ENTREP1: variants seen among roughly 807,000 people sequenced by gnomAD.
ENTREP1 encodes the protein Friedreich ataxia region gene X123.
At chr9:69,340,751 G>GCGTGCA in the ENTREP1 span, among the ~76,000 whole-genome samples, 1 of 122,518 alleles carries the variant, frequency 8.2e-6, no homozygotes, top group Non-Finnish European at 1.6e-5. Flanking sequence ...GTGTGTTTGT[G>GCGTGCA]TGTGTGCGTG....
chr9:69,386,065 G>T, the ENTREP1 span: 1 of 875,536 alleles, frequency 1.1e-6, no homozygotes. Context: ...TCATTTGAAG[G>T]AGCTTATGAG....
At chr9:69,390,754 C>T in the ENTREP1 span, among the ~76,000 whole-genome samples, 2 of 152,084 alleles carry the variant, frequency 1.3e-5, no homozygotes, top group African/African-American at 4.8e-5. Context: ...ATCCTCCTGC[C>T]TCAGCCTCTC....
chr9:69,371,935 TG>T, the ENTREP1 span, among the ~76,000 whole-genome samples: 1 of 152,350 alleles, frequency 6.6e-6, no homozygotes, highest in African/African-American at 2.4e-5. Context: ...AAATGGATAT[TG>T]CCAGAATACA....
chr9:69,333,763 A>G, the ENTREP1 span, among the ~76,000 whole-genome samples: 25 of 152,322 alleles, frequency 1.6e-4, no homozygotes, highest in African/African-American at 6.0e-4. Context: ...AGGGCAGTTG[A>G]ATATGAAGTT....
the ENTREP1 span, chr9:69,329,364 CA>C: frequency 7.3e-6 from 7 of 962,854 alleles, no homozygotes; most frequent in Non-Finnish European, 7.4e-6. Context: ...CAGTATAGTT[CA>C]AGGATATTTT....
the ENTREP1 span, among the ~76,000 whole-genome samples, chr9:69,359,657 C>G: frequency 2.0e-5 from 3 of 152,164 alleles, no homozygotes; most frequent in African/African-American, 7.2e-5. Context: ...TATAAGTTAC[C>G]TGGTCTTGGG....
the ENTREP1 span, among the ~76,000 whole-genome samples, chr9:69,339,990 C>G: frequency 9.2e-5 from 14 of 152,186 alleles, no homozygotes; most frequent in Non-Finnish European, 1.9e-4. Context: ...GAACAAGAGT[C>G]TTGCCTTTTT....
chr9:69,325,136 G>C, the ENTREP1 span: 1 of 1,039,086 alleles, frequency 9.6e-7, no homozygotes, highest in Non-Finnish European at 1.2e-6. Context: ...GCTGGAGCCA[G>C]GGCAGCGGCA....
At chr9:69,339,815 C>G in the ENTREP1 span, among the ~76,000 whole-genome samples, 33 of 152,310 alleles carry the variant, frequency 2.2e-4, no homozygotes, top group Admixed American at 1.8e-3. Flanking sequence ...GCTCTCAGCT[C>G]AGCAGTCACT....
At chr9:69,374,419 G>A in the ENTREP1 span, among the ~76,000 whole-genome samples, 1 of 152,082 alleles carries the variant, frequency 6.6e-6, no homozygotes, top group African/African-American at 2.4e-5. Flanking sequence ...TTCCAAAGTG[G>A]TTGGGGAAGT....
the ENTREP1 span, among the ~76,000 whole-genome samples, chr9:69,349,184 CAAAAAAAAAAAA>C: frequency 1.2e-5 from 1 of 85,290 alleles, no homozygotes; most frequent in East Asian, 3.5e-4. Flanking sequence ...AACTCCATCT[CAAAAAAAAAAAA>C]AAAAAAAAAA....
At chr9:69,387,823 C>T in the ENTREP1 span, 2 of 1,139,282 alleles carry the variant, frequency 1.8e-6, no homozygotes, top group South Asian at 1.6e-5. Context: ...CCTGCTTGGC[C>T]CATCCATCCC....
the ENTREP1 span, chr9:69,371,592 G>A: frequency 3.6e-5 from 58 of 1,611,834 alleles, no homozygotes; most frequent in Admixed American, 3.7e-4. Context: ...TGTGTCCAGC[G>A]TGCCCAGGTG....
At chr9:69,329,325 A>G in the ENTREP1 span, 2 of 956,098 alleles carry the variant, frequency 2.1e-6, no homozygotes, top group South Asian at 4.8e-5. Context: ...AGACAAATAT[A>G]TTTATTTGAA....
chr9:69,338,668 A>G, the ENTREP1 span, among the ~76,000 whole-genome samples: 3 of 152,212 alleles, frequency 2.0e-5, no homozygotes, highest in Admixed American at 6.5e-5. Context: ...ACCAGTGTGT[A>G]CATACTATGT....
At chr9:69,382,233 C>T in the ENTREP1 span, 2 of 152,248 alleles carry the variant, frequency 1.3e-5, no homozygotes, top group Non-Finnish European at 2.9e-5. Context: ...AGAATCTTCA[C>T]TCTTAGATCC....
At chr9:69,367,766 C>CAT in the ENTREP1 span, among the ~76,000 whole-genome samples, 2 of 79,802 alleles carry the variant, frequency 2.5e-5, no homozygotes, top group Non-Finnish European at 5.6e-5. Flanking sequence ...TATATATACA[C>CAT]ATATATATAA....
the ENTREP1 span, among the ~76,000 whole-genome samples, chr9:69,334,764 C>T: frequency 6.7e-6 from 1 of 149,064 alleles, no homozygotes; most frequent in Non-Finnish European, 1.5e-5. Flanking sequence ...GTGGCCCTTT[C>T]CTTTCCTTTT....
chr9:69,381,524 A>G, the ENTREP1 span: 53 of 152,316 alleles, frequency 3.5e-4, no homozygotes, highest in African/African-American at 1.3e-3. Flanking sequence ...ACGATAGGCA[A>G]TGAGAGCAGA....
Sources: allele counts gnomAD v4.1 joint callset (sites outside exome capture counted in the v4.1 genomes callset), GRCh38; gene constraint gnomAD v4.1.1; transcripts MANE v1.5; gene names NCBI Gene and HGNC (gene_info 2026-07-23, HGNC 2026-07-21).